TENM3: variants seen among roughly 807,000 people sequenced by gnomAD.
TENM3 encodes teneurin-3.
Under a neutral mutation model 255.1 loss-of-function variants are expected in TENM3, and 63 were observed. That is an observed-to-expected ratio of 0.25 (90% CI 0.20 to 0.30). The LOEUF (loss-of-function observed/expected upper bound fraction) is 0.30, where lower values mean the gene tolerates loss of function less well. Among genes scored for constraint, TENM3 ranks in the 10% least tolerant of loss-of-function variants. The pLI is 1.00. For synonymous variants in TENM3, 1,306 were observed against 1,322.3 expected (o/e 0.99, Z 0.27); for missense variants, 2,929 against 3,461.1 (o/e 0.85, Z 3.86).
chr4:181,924,153 T>G, the TENM3 span, among the ~76,000 whole-genome samples: 1 of 152,128 alleles, frequency 6.6e-6, no homozygotes, highest in Non-Finnish European at 1.5e-5. Context: ...TCTTACTGCT[T>G]GCTTTAAAAC....
At chr4:182,360,728 G>A (rs1580288998) in intron 3 of TENM3, among the ~76,000 whole-genome samples, 1 of 151,918 alleles carries the variant, frequency 6.6e-6, no homozygotes, top group Admixed American at 6.6e-5. Context: ...TACATTTAAA[G>A]TTAATATTGT....
chr4:182,117,114 C>G, the TENM3 span, among the ~76,000 whole-genome samples: 1 of 152,086 alleles, frequency 6.6e-6, no homozygotes, highest in Non-Finnish European at 1.5e-5. Context: ...ACATCTTTGG[C>G]CCAATGCTTA....
At chr4:182,008,873 C>T in the TENM3 span, among the ~76,000 whole-genome samples, 1 of 152,078 alleles carries the variant, frequency 6.6e-6, no homozygotes, top group East Asian at 1.9e-4. Context: ...TAGTTTCGGC[C>T]TTTGAGGCTG....
chr4:181,697,915 C>G, the TENM3 span, among the ~76,000 whole-genome samples: 19 of 151,942 alleles, frequency 1.3e-4, no homozygotes, highest in African/African-American at 4.6e-4. Context: ...ACTAAAAGCG[C>G]TTAAGATAAA....
chr4:181,850,544 A>T, the TENM3 span, among the ~76,000 whole-genome samples: 7 of 152,266 alleles, frequency 4.6e-5, no homozygotes, highest in South Asian at 1.2e-3. Flanking sequence ...AGTACTTGTT[A>T]TATCGAGAGG....
At chr4:182,484,887 A>T (rs1161610323) in intron 3 of TENM3, among the ~76,000 whole-genome samples, 1 of 152,184 alleles carries the variant, frequency 6.6e-6, no homozygotes, top group Non-Finnish European at 1.5e-5. Context: ...TTATCATTTA[A>T]TATACACTAC....
At chr4:182,168,199 A>G (rs1751850703) in intron 1 of TENM3, among the ~76,000 whole-genome samples, 1 of 152,000 alleles carries the variant, frequency 6.6e-6, no homozygotes, top group African/African-American at 2.4e-5. Context: ...CAGTGGTGCA[A>G]TCACGGGTCA....
the TENM3 span, among the ~76,000 whole-genome samples, chr4:181,598,371 A>T: frequency 2.0e-5 from 3 of 152,148 alleles, no homozygotes; most frequent in Non-Finnish European, 2.9e-5. Context: ...TATCCTTCCC[A>T]CAACAGTGGT....
chr4:181,910,225 A>G, the TENM3 span, among the ~76,000 whole-genome samples: 3 of 152,150 alleles, frequency 2.0e-5, no homozygotes, highest in Admixed American at 2.0e-4. Flanking sequence ...TTTATACCTT[A>G]TAACATGCTA....
chr4:182,751,086 G>A (rs184165354), intron 19 of TENM3, among the ~76,000 whole-genome samples: 5 of 152,084 alleles, frequency 3.3e-5, no homozygotes, highest in Non-Finnish European at 7.3e-5. Flanking sequence ...ACTACATTTT[G>A]TATGTCACTA....
At chr4:182,022,289 T>G in the TENM3 span, among the ~76,000 whole-genome samples, 9 of 152,282 alleles carry the variant, frequency 5.9e-5, no homozygotes, top group South Asian at 1.9e-3. Context: ...CTAAGTGGAC[T>G]AATGTGAAAC....
At chr4:182,243,855 G>A (rs1757455649) in intron 1 of TENM3, among the ~76,000 whole-genome samples, 1 of 151,630 alleles carries the variant, frequency 6.6e-6, no homozygotes, top group Non-Finnish European at 1.5e-5. Flanking sequence ...CTTAGGAAAG[G>A]AAATGAAAGA....
chr4:181,782,754 G>A, the TENM3 span, among the ~76,000 whole-genome samples: 1 of 152,240 alleles, frequency 6.6e-6, no homozygotes, highest in African/African-American at 2.4e-5. Flanking sequence ...TCTTGCGGGT[G>A]TTTAGTGCTA....
At chr4:182,338,986 C>G (rs1561339093) in intron 2 of TENM3, among the ~76,000 whole-genome samples, 1 of 152,290 alleles carries the variant, frequency 6.6e-6, no homozygotes, top group East Asian at 1.9e-4. Flanking sequence ...CCATTCAGTA[C>G]TTAATGCTGC....
At position 182,702,793 on chromosome 4, in the gene TENM3, A is replaced by T. The variant is rs532006549; in HGVS notation, c.2222-11294A>T. Among the ~76,000 whole-genome samples the T allele has an allele frequency of 3.7e-4, 55 of 150,102 alleles. No individual in the cohort carries two copies. The East Asian group carries it at 9.7e-3, about 26-fold the overall frequency. ...GGCTCTGTCGCCCAGGCTGGAGTGC[A>T]GTGGTGCGATCTCGGCTCACTGCAA... On this transcript the variant is annotated intron_variant, in intron 12 of 27. Coordinates refer to ENST00000511685, the MANE Select transcript of TENM3 (RefSeq NM_001080477.4).
At chr4:181,582,318 A>T in the TENM3 span, among the ~76,000 whole-genome samples, 3 of 152,224 alleles carry the variant, frequency 2.0e-5, no homozygotes, top group South Asian at 6.2e-4. Context: ...ATCATTTGTG[A>T]TGGGTGTGTG....
Position 182,799,654 on chromosome 4 carries a change from G to C in TENM3, c.7403G>C (p.Gly2468Ala). The change falls in exon 28 of 28, where the codon GGG becomes GCG. Residue 2468 changes from glycine to alanine, a missense_variant. Gly to Ala is a moderately conservative substitution (Grantham distance 60). Transcript: ENST00000511685. This position sits in a 1 kb window ranked among gnomAD's most constrained non-coding sequence, Gnocchi z 4.2. ...CAGGCCAAGGCCTTCCTGTCGCTGG[G>C]GAAGATGGCCGAGGTGCAGGTGAGC... ...ARQAKAFLSL[G>A]KMAEVQVSRR... is the part of the protein sequence containing the mutation. 6.5e-7 allele frequency: 1 copy of C among 1,547,972 alleles called. No homozygotes were observed. The highest frequency in any genetic ancestry group is 8.7e-7 in the Non-Finnish European group (1 of 1,146,678).
chr4:182,102,971 G>A, the TENM3 span, among the ~76,000 whole-genome samples: 4 of 152,144 alleles, frequency 2.6e-5, no homozygotes, highest in African/African-American at 9.7e-5. Context: ...AATAACAGTG[G>A]CAATTTAAGG....
At chr4:181,583,129 A>ATTTAATTTTTTTTT in the TENM3 span, among the ~76,000 whole-genome samples, 1 of 8,868 alleles carries the variant, frequency 1.1e-4, no homozygotes, top group African/African-American at 2.3e-4. Context: ...CTTCTGTAGT[A>ATTTAATTTTTTTTT]TTTTTTTTTT....
Sources: gnomAD v4.1 joint callset for allele counts (sites outside exome capture counted in the v4.1 genomes callset) on GRCh38, gnomAD v4.1.1 for gene constraint, Gnocchi (gnomAD v3.1) non-coding constraint, MANE v1.5 for transcripts, NCBI Gene and HGNC (gene_info 2026-07-23, HGNC 2026-07-21) for gene names.